RAD51AP1: variants seen among roughly 807,000 people sequenced by gnomAD.
RAD51AP1 encodes RAD51 associated protein 1.
In RAD51AP1, 14 loss-of-function variants were observed where a neutral mutation model predicts 34.3. The observed-to-expected ratio is 0.41, with a 90% CI of 0.27 to 0.64. The LOEUF is 0.64. Among genes scored for constraint, RAD51AP1 ranks in the 30% least tolerant of loss-of-function variants. The pLI is 0.33. For synonymous variants in RAD51AP1, 114 were observed against 129.8 expected (o/e 0.88, Z 0.83); for missense variants, 348 against 386.9 (o/e 0.90, Z 0.84).
intron 3 of RAD51AP1, chr12:4,545,210 A>G (rs779958312): frequency 8.8e-6 from 4 of 454,330 alleles, no homozygotes; most frequent in Non-Finnish European, 1.8e-5. Flanking sequence ...AAAATGGAAT[A>G]TTTTTCAGCC....
At chr12:4,543,943 T>C in intron 3 of RAD51AP1, 39 bp downstream of exon 3, 1 of 1,517,906 alleles carries the variant, frequency 6.6e-7, no homozygotes, top group Non-Finnish European at 8.9e-7. Context: ...TGACATTAGA[T>C]GTGTTAATTT....
chr12:4,551,701 G>C (rs757029255), intron 6 of RAD51AP1, among the ~76,000 whole-genome samples: 10 of 152,102 alleles, frequency 6.6e-5, no homozygotes, highest in Non-Finnish European at 1.3e-4. Context: ...ACTAGTGTTG[G>C]TATTGCTAGA....
chr12:4,554,427 CA>C (rs774536951), intron 7 of RAD51AP1, among the ~76,000 whole-genome samples: 11 of 152,188 alleles, frequency 7.2e-5, no homozygotes, highest in Admixed American at 2.6e-4. Context: ...GTAACATATT[CA>C]CATGTTCTGG....
At chr12:4,541,766 ATTAT>A (rs1443411460) in intron 1 of RAD51AP1, 114 bp from the exon 2 acceptor site, 8 of 309,964 alleles carry the variant, frequency 2.6e-5, no homozygotes, top group African/African-American at 6.6e-5. Flanking sequence ...TCGTTTATTC[ATTAT>A]TTATTAATAA....
At chr12:4,552,858 G>T in intron 6 of RAD51AP1, 125 bp from the exon 7 acceptor site, 1 of 832,492 alleles carries the variant, frequency 1.2e-6, no homozygotes, top group Non-Finnish European at 1.7e-6. Flanking sequence ...AACCACTGCA[G>T]TGTTCTGCTA....
At chr12:4,553,357 C>T in intron 7 of RAD51AP1, 1 of 308,502 alleles carries the variant, frequency 3.2e-6, no homozygotes, top group East Asian at 6.1e-5. Context: ...TGTATATGAC[C>T]TCACTTTGGT....
Position 4,552,992 on chromosome 12 carries a change from C to T in RAD51AP1, c.566C>T (p.Ser189Phe), listed in dbSNP as rs776683866. The T allele has an allele frequency of 3.2e-6, 5 of 1,582,400 alleles. No individual in the cohort carries two copies. The highest frequency in any genetic ancestry group is 4.3e-6 in the Non-Finnish European group (5 of 1,170,358). Residue 189 changes from serine to phenylalanine, a missense_variant, in exon 7 of 9, where the codon TCT becomes TTT. Transcript: ENST00000352618. ...TAATCTTCTGTTTTAGGTGAAGATT[C>T]TGAGGATGATTCTGATTTTTGTGAG... ...TEPDFAPGED[S>F]EDDSDFCESE...
chr12:4,549,407 G>A (rs372502386), intron 6 of RAD51AP1, among the ~76,000 whole-genome samples: 18 of 152,236 alleles, frequency 1.2e-4, no homozygotes, highest in African/African-American at 4.3e-4. Flanking sequence ...ATTCATAAAT[G>A]TAGGCCAAAT....
intron 4 of RAD51AP1, 60 bp downstream of exon 4, chr12:4,546,478 G>T: frequency 1.6e-6 from 2 of 1,241,464 alleles, no homozygotes; most frequent in East Asian, 2.4e-5. Flanking sequence ...GTGATTATTT[G>T]TTTGGGTGGG....
At chr12:4,552,959 G>T in intron 6 of RAD51AP1, 24 bp from the exon 7 acceptor site, 1 of 1,530,850 alleles carries the variant, frequency 6.5e-7, no homozygotes. Context: ...GAGCAAAGAT[G>T]AACTATATAA....
At chr12:4,558,112 C>T (rs1944595411) in intron 8 of RAD51AP1, among the ~76,000 whole-genome samples, 2 of 150,668 alleles carry the variant, frequency 1.3e-5, no homozygotes, top group South Asian at 4.2e-4. Flanking sequence ...GTAAAATTAG[C>T]CAGAGGCATA....
In RAD51AP1 at chr12:4,553,156, G is replaced by C; in HGVS notation, c.721+9G>C. 6.6e-7 allele frequency: 1 copy of C among 1,521,318 alleles called. No individual in the cohort carries two copies. The highest frequency in any genetic ancestry group is 8.8e-7 in the Non-Finnish European group (1 of 1,137,640). The allele number at this position is 1,521,318 out of a possible 1,614,324, so 94.2% of individuals were successfully genotyped here. Reference sequence around the variant, plus strand: ...CAAATGTAATGCTTTGGGTAAGCTTGGTCCAAAACACTTAATTTTATAAAG... The same window carrying C: ...CAAATGTAATGCTTTGGGTAAGCTTCGTCCAAAACACTTAATTTTATAAAG... On this transcript the variant is annotated intron_variant, in intron 7 of 8. Transcript: ENST00000352618.
At chr12:4,546,819 T>C (rs1020970183) in intron 4 of RAD51AP1, among the ~76,000 whole-genome samples, 3 of 152,222 alleles carry the variant, frequency 2.0e-5, no homozygotes, top group African/African-American at 7.2e-5. Flanking sequence ...AAGGTATTAA[T>C]TTGGTTAGCA....
intron 2 of RAD51AP1, 41 bp downstream of exon 2, chr12:4,541,974 C>G: frequency 7.5e-7 from 1 of 1,331,220 alleles, no homozygotes; most frequent in Non-Finnish European, 1.0e-6. Context: ...GATTTGGAAA[C>G]TCATTTCCTC....
intron 7 of RAD51AP1, among the ~76,000 whole-genome samples, chr12:4,554,002 TTC>T (rs1944565149): frequency 3.9e-5 from 6 of 152,288 alleles, no homozygotes; most frequent in Middle Eastern, 3.4e-3. Context: ...AGTTATATTC[TTC>T]TCTCTCCTGT....
intron 1 of RAD51AP1, among the ~76,000 whole-genome samples, chr12:4,541,624 G>GT (rs1392220851): frequency 6.6e-6 from 1 of 152,016 alleles, no homozygotes; most frequent in African/African-American, 2.4e-5. Context: ...AGGTATAGTT[G>GT]TAACTATTTT....
intron 8 of RAD51AP1, among the ~76,000 whole-genome samples, chr12:4,558,514 C>T (rs1357155993): frequency 6.6e-5 from 10 of 152,108 alleles, no homozygotes; most frequent in Non-Finnish European, 2.9e-5. Flanking sequence ...ATTGCAGGAC[C>T]TTAAAAATGC....
intron 7 of RAD51AP1, among the ~76,000 whole-genome samples, chr12:4,555,900 T>C (rs1248887667): frequency 1.3e-5 from 2 of 152,174 alleles, no homozygotes; most frequent in Non-Finnish European, 2.9e-5. Context: ...GACTAAACCT[T>C]AAAGTCCTTG....
At chr12:4,545,049 T>C (rs1009197451) in intron 3 of RAD51AP1, among the ~76,000 whole-genome samples, 1 of 152,164 alleles carries the variant, frequency 6.6e-6, no homozygotes, top group Non-Finnish European at 1.5e-5. Context: ...ACCCAGCCTA[T>C]GTATGTATCC....
Sources: gnomAD v4.1 joint callset for allele counts (sites outside exome capture counted in the v4.1 genomes callset) on GRCh38, gnomAD v4.1.1 for gene constraint, MANE v1.5 for transcripts, NCBI Gene and HGNC (gene_info 2026-07-23, HGNC 2026-07-21) for gene names.